Variants in TSEN15 observed in about 807,000 individuals in gnomAD.
TSEN15 encodes the protein tRNA splicing endonuclease subunit 15, also known as tRNA-splicing endonuclease subunit Sen15.
In TSEN15, 10 loss-of-function variants were observed where a neutral mutation model predicts 20.5. The observed-to-expected ratio is 0.49, with a 90% CI of 0.30 to 0.83. The LOEUF is 0.83. Among genes scored for constraint, TSEN15 ranks in the 40% least tolerant of loss-of-function variants. The probability of loss-of-function intolerance (pLI) is 0.06; values close to 1 mark genes in which losing one functional copy is unlikely to be tolerated. For missense variants in TSEN15, 180 were observed against 218.6 expected (o/e 0.82, Z 1.11); for synonymous variants, 72 against 80.1 (o/e 0.90, Z 0.54).
chr1:184,052,804 A>G (rs1241382827), intron 1 of TSEN15, among the ~76,000 whole-genome samples: 2 of 152,216 alleles, frequency 1.3e-5, no homozygotes, highest in Non-Finnish European at 1.5e-5. Context: ...TAGGGAAACA[A>G]TAGCATGGAG....
At chr1:184,078,999 C>T (rs1038521538), downstream of TSEN15, among the ~76,000 whole-genome samples, 1 of 152,102 alleles carries the variant, frequency 6.6e-6, no homozygotes, top group Admixed American at 6.6e-5. Context: ...TACAGAAGCT[C>T]TTTATTCATC....
intron 3 of TSEN15, among the ~76,000 whole-genome samples, chr1:184,066,286 CTATT>C (rs3032594): frequency 0.29 from 43,325 of 150,772 alleles, 6,790 homozygotes; most frequent in East Asian, 0.47. Flanking sequence ...GATCAATTGA[CTATT>C]TATGTGAGTC....
At chr1:184,078,234 G>C (rs369738057), downstream of TSEN15, among the ~76,000 whole-genome samples, 1 of 152,136 alleles carries the variant, frequency 6.6e-6, no homozygotes, top group Admixed American at 6.6e-5. Flanking sequence ...AGCCTCAGAT[G>C]ATCATTAGCC....
intron 3 of TSEN15, among the ~76,000 whole-genome samples, chr1:184,064,949 C>G (rs754161890): frequency 1.1e-4 from 17 of 152,036 alleles, no homozygotes; most frequent in Admixed American, 6.6e-4. Context: ...CTGATGACTC[C>G]CAAATTTTTA....
At chr1:184,070,834 TTC>T (rs1650856200) in intron 3 of TSEN15, 1 of 287,820 alleles carries the variant, frequency 3.5e-6, no homozygotes, top group Non-Finnish European at 5.8e-6. Context: ...TGTAATGCAG[TTC>T]AGCATAGGTG....
At chr1:184,070,126 G>A (rs1252298258) in intron 3 of TSEN15, among the ~76,000 whole-genome samples, 1 of 151,770 alleles carries the variant, frequency 6.6e-6, no homozygotes, top group Non-Finnish European at 1.5e-5. Flanking sequence ...AAAGAACTCT[G>A]GAAACAGATA....
At chr1:184,071,982 C>A in intron 3 of TSEN15, 175 bp from the exon 4 acceptor site, 1 of 516,960 alleles carries the variant, frequency 1.9e-6, no homozygotes, top group Non-Finnish European at 3.2e-6. Context: ...TAATGTTGAA[C>A]TTATTTGATA....
intron 3 of TSEN15, among the ~76,000 whole-genome samples, chr1:184,089,725 T>TA (rs113802996): frequency 2.6e-4 from 38 of 148,520 alleles, no homozygotes; most frequent in Admixed American, 4.7e-4. Flanking sequence ...AGTTAAACAT[T>TA]AAAAAAAAAA....
intron 1 of TSEN15, among the ~76,000 whole-genome samples, chr1:184,052,208 A>T (rs568759923): frequency 3.9e-5 from 6 of 152,318 alleles, no homozygotes; most frequent in African/African-American, 1.2e-4. Flanking sequence ...TTTGGGGGAT[A>T]AATTTATTTA....
intron 3 of TSEN15, among the ~76,000 whole-genome samples, chr1:184,067,941 A>AATATATATAT (rs58463457): frequency 4.2e-5 from 4 of 95,600 alleles, no homozygotes; most frequent in Admixed American, 1.4e-4. Flanking sequence ...AAAAAAAAAA[A>AATATATATAT]ATATATATAT....
intron 3 of TSEN15, among the ~76,000 whole-genome samples, chr1:184,068,121 C>G (rs995428103): frequency 6.6e-6 from 1 of 151,118 alleles, no homozygotes; most frequent in African/African-American, 2.4e-5. Flanking sequence ...CCCTTTCACC[C>G]CTCTTTTTCC....
intron 3 of TSEN15, among the ~76,000 whole-genome samples, chr1:184,088,492 A>C (rs1267007369): frequency 6.6e-6 from 1 of 152,118 alleles, no homozygotes; most frequent in Non-Finnish European, 1.5e-5. Flanking sequence ...GAAAGAAGAA[A>C]AGAATTCCTG....
At chr1:184,082,750 G>A (rs565188016) in intron 3 of TSEN15, among the ~76,000 whole-genome samples, 7 of 152,152 alleles carry the variant, frequency 4.6e-5, no homozygotes, top group South Asian at 2.1e-4. Flanking sequence ...AACTGATGCC[G>A]ACCATTTCCA....
At chr1:184,053,711 A>G (rs1373138846) in intron 1 of TSEN15, among the ~76,000 whole-genome samples, 1 of 152,214 alleles carries the variant, frequency 6.6e-6, no homozygotes, top group Non-Finnish European at 1.5e-5. Flanking sequence ...GTCTGAAAGA[A>G]GCAGCTTTCT....
chr1:184,065,117 C>G (rs1650599713), intron 3 of TSEN15, among the ~76,000 whole-genome samples: 1 of 151,994 alleles, frequency 6.6e-6, no homozygotes, highest in Admixed American at 6.6e-5. Context: ...TTCTTTTTGT[C>G]AATAAATGGC....
intron 3 of TSEN15, among the ~76,000 whole-genome samples, chr1:184,065,856 T>C (rs532918286): frequency 6.6e-6 from 1 of 152,336 alleles, no homozygotes; most frequent in Admixed American, 6.5e-5. Context: ...GGGTTTTCTT[T>C]TTGATAAGTT....
At chr1:184,080,005 C>G (rs576792016) in intron 3 of TSEN15, among the ~76,000 whole-genome samples, 13 of 152,216 alleles carry the variant, frequency 8.5e-5, no homozygotes, top group South Asian at 6.2e-4. Flanking sequence ...GGTTTAACAA[C>G]TTATGATAAA....
intron 3 of TSEN15, among the ~76,000 whole-genome samples, chr1:184,088,695 C>T (rs1041501248): frequency 8.2e-6 from 1 of 122,380 alleles, no homozygotes; most frequent in Non-Finnish European, 1.8e-5. Context: ...TTTCTACTTA[C>T]ATTTCCTATT....
chr1:184,085,723 G>A (rs1557890384), intron 3 of TSEN15, among the ~76,000 whole-genome samples: 1 of 152,192 alleles, frequency 6.6e-6, no homozygotes, highest in South Asian at 2.1e-4. Context: ...CTGAAATTTT[G>A]CATTTCTAAC....
Sources: gnomAD v4.1 joint callset for allele counts (sites outside exome capture counted in the v4.1 genomes callset) on GRCh38, gnomAD v4.1.1 for gene constraint, MANE v1.5 for transcripts, NCBI Gene and HGNC (gene_info 2026-07-23, HGNC 2026-07-21) for gene names.